USP9Y: variants seen among roughly 807,000 people sequenced by gnomAD.
The protein encoded by USP9Y is ubiquitin carboxyl-terminal hydrolase 9Y.
A neutral mutation model predicts 53.1 loss-of-function variants in USP9Y; 41 were observed. That is an observed-to-expected ratio of 0.77 (90% CI 0.60 to 1.00). USP9Y has a LOEUF of 1.00. USP9Y is among the 50% of genes least tolerant of loss of function. The probability of loss-of-function intolerance (pLI) is 0.00; values close to 1 mark genes in which losing one functional copy is unlikely to be tolerated. For synonymous variants in USP9Y, 220 were observed against 173.7 expected, an observed-to-expected ratio of 1.27 and a Z score of -2.09; for missense variants, 567 against 535.8, an observed-to-expected ratio of 1.06 and a Z score of -0.58.
chrY:12,788,325 A>G (rs771363732), intron 24 of USP9Y, among the ~76,000 whole-genome samples: 1 of 33,931 alleles, frequency 2.9e-5, no homozygotes, highest in South Asian at 6.5e-4. Context: ...TTAACAAGAC[A>G]ATTTTGGTGT....
At chrY:12,780,085 G>A (rs1288141544) in intron 22 of USP9Y, among the ~76,000 whole-genome samples, 1 of 33,723 alleles carries the variant, frequency 3.0e-5, no homozygotes, top group African/African-American at 1.1e-4. Flanking sequence ...ATGCGTTACC[G>A]CATCCTTACT....
rs1316637200 is a variant in USP9Y at position 12,818,606 on chromosome Y, T to C, written c.5017T>C (p.Phe1673Leu). 2.5e-6 allele frequency: 1 copy of C among 394,018 alleles called. No individual in the cohort carries two copies. The highest frequency in any genetic ancestry group is 3.6e-6 in the Non-Finnish European group (1 of 280,794). ...YYVPRGFWKQ[F>L]RLWGEPVNLR... Reference sequence around the variant, plus strand: ...TGTACCCAGAGGATTTTGGAAACAGTTCAGGTAAATTATGGGTGGGTGATC... The same window carrying C: ...TGTACCCAGAGGATTTTGGAAACAGCTCAGGTAAATTATGGGTGGGTGATC... Residue 1673 changes from phenylalanine (F) to leucine (L), a missense_variant, in exon 33 of 46, where the codon TTC (phenylalanine) becomes CTC (leucine). Physicochemically the swap from Phe to Leu is conservative, Grantham distance 22. Transcript: ENST00000338981.
chrY:12,731,742 A>G (rs915878291), intron 7 of USP9Y, among the ~76,000 whole-genome samples: 5 of 33,112 alleles, frequency 1.5e-4, no homozygotes, highest in Admixed American at 1.4e-3. Context: ...GCATTTTTGT[A>G]GTCTAGTGGT....
At chrY:12,844,824 A>G in intron 39 of USP9Y, among the ~76,000 whole-genome samples, 1 of 33,625 alleles carries the variant, frequency 3.0e-5, no homozygotes, top group Non-Finnish European at 7.3e-5. Context: ...GATTCCCAGT[A>G]AGGCCTCAGG....
At chrY:12,829,157 G>A (rs2053549120) in intron 33 of USP9Y, among the ~76,000 whole-genome samples, 1 of 33,368 alleles carries the variant, frequency 3.0e-5, no homozygotes, top group Non-Finnish European at 7.4e-5. Context: ...AAAGGAAAGA[G>A]GACAAGGAAA....
intron 39 of USP9Y, among the ~76,000 whole-genome samples, chrY:12,844,721 T>G: frequency 3.0e-5 from 1 of 33,332 alleles, no homozygotes; most frequent in Non-Finnish European, 7.4e-5. Flanking sequence ...TGTAGATTTA[T>G]GACTCTTAAG....
chrY:12,802,215 A>G, intron 27 of USP9Y: 1 of 34,747 alleles, frequency 2.9e-5, no homozygotes, highest in South Asian at 6.5e-4. Flanking sequence ...GAGACCAGGC[A>G]TTTGGTACAC....
At position 12,840,096 on chromosome Y, in the gene USP9Y, A is replaced by G. The variant is rs1456854979; in HGVS notation, c.5570A>G (p.Asn1857Ser). Reference protein sequence around the residue: ...ELIEQKEQSDNETAGGTKYRL... With the variant: ...ELIEQKEQSDSETAGGTKYRL... ...ATTGAACAGAAAGAGCAGTCTGACAATGAAACTGCAGGAGGCACAAAGTAC... is the reference window on the plus strand; with the variant it reads ...ATTGAACAGAAAGAGCAGTCTGACAGTGAAACTGCAGGAGGCACAAAGTAC... The change falls in exon 36 of 46, where the codon AAT becomes AGT. Residue 1857 changes from asparagine (N) to serine (S), a missense_variant. Asn to Ser is a conservative substitution (Grantham distance 46). Coordinates refer to ENST00000338981, the MANE Select transcript of USP9Y (RefSeq NM_004654.4). 2 of 398,898 alleles carry G rather than the reference A, an allele frequency of 5.0e-6. No homozygotes were observed. Among genetic ancestry groups the G allele is most frequent in the Admixed American group, 1.5e-4 (2 of 13,423 alleles).
chrY:12,792,894 G>T (rs996165228), intron 26 of USP9Y, 138 bp from the exon 27 acceptor site: 9 of 193,996 alleles, frequency 4.6e-5, no homozygotes, highest in African/African-American at 1.7e-4. Context: ...ATCCCAAAGA[G>T]CCTCTCTAGC....
chrY:12,717,172 C>T (rs1052831863), intron 3 of USP9Y, among the ~76,000 whole-genome samples: 1 of 32,234 alleles, frequency 3.1e-5, no homozygotes, highest in Non-Finnish European at 7.6e-5. Context: ...GGCTGGTGAG[C>T]GAGCATTACC....
intron 42 of USP9Y, among the ~76,000 whole-genome samples, chrY:12,855,628 A>C: frequency 8.8e-5 from 3 of 34,102 alleles, no homozygotes; most frequent in Non-Finnish European, 2.2e-4. Context: ...CAAATCAGGC[A>C]GATTTTATCA....
chrY:12,846,617 A>G, intron 40 of USP9Y, 99 bp downstream of exon 40: 2 of 241,663 alleles, frequency 8.3e-6, no homozygotes, highest in Non-Finnish European at 1.3e-5. Flanking sequence ...TATAAAAATG[A>G]AATTAGTCTG....
At position 12,815,428 on chromosome Y, in the gene USP9Y, A is replaced by G. The variant is rs748139606; in HGVS notation, c.4610-696A>G. On this transcript the variant is annotated intron_variant, in intron 31 of 45. Coordinates refer to ENST00000338981, the MANE Select transcript of USP9Y (RefSeq NM_004654.4). The stretch of plus-strand genomic sequence containing the variant: ...TTTTTAGTACAGACATGGTTTCACC[A>G]TGTTGGCCAGGCTGGTCTCAAACTG... Among the ~76,000 whole-genome samples the G allele has an allele frequency of 4.2e-4, 14 of 33,662 alleles. No individual in the cohort carries two copies. In the South Asian group the frequency reaches 9.4e-3, roughly 23 times the overall value. The allele number at this position is 33,662 out of a possible 37,273, so 90.3% of individuals were successfully genotyped here.
At chrY:12,806,367 A>G in intron 27 of USP9Y, among the ~76,000 whole-genome samples, 1 of 33,721 alleles carries the variant, frequency 3.0e-5, no homozygotes, top group East Asian at 7.8e-4. Flanking sequence ...CTCAGATTAT[A>G]TCTGTACACA....
chrY:12,703,520 AT>A (rs2053417658), intron 1 of USP9Y, among the ~76,000 whole-genome samples: 1 of 32,851 alleles, frequency 3.0e-5, no homozygotes, highest in African/African-American at 1.2e-4. Flanking sequence ...GGAGTTGTTT[AT>A]TCCTCCCAGT....
chrY:12,775,062 T>C, intron 17 of USP9Y, among the ~76,000 whole-genome samples: 1 of 33,621 alleles, frequency 3.0e-5, no homozygotes, highest in Non-Finnish European at 7.4e-5. Flanking sequence ...ATTCTAAACT[T>C]AGTTTGAAAA....
At chrY:12,702,312 G>A (rs2053416615) in intron 1 of USP9Y, among the ~76,000 whole-genome samples, 1 of 33,825 alleles carries the variant, frequency 3.0e-5, no homozygotes, top group Non-Finnish European at 7.3e-5. Context: ...ATATCTTTTC[G>A]TTTTTGTGGG....
chrY:12,770,408 CAAA>C (rs2053484805), intron 15 of USP9Y, among the ~76,000 whole-genome samples: 1 of 27,501 alleles, frequency 3.6e-5, no homozygotes, highest in Non-Finnish European at 8.7e-5. Context: ...GACTCCATCT[CAAA>C]AAAAAAAATT....
chrY:12,842,404 A>G lies in USP9Y; in HGVS notation c.6377A>G (p.His2126Arg), dbSNP rs374524962. 1 of 395,581 alleles carries G rather than the reference A, an allele frequency of 2.5e-6. No homozygotes were observed. The highest frequency in any genetic ancestry group is 6.5e-5 in the African/African-American group (1 of 15,438). Residue 2126 changes from histidine (H) to arginine (R), a missense_variant, in exon 38 of 46, where the codon CAC becomes CGC. Physicochemically the swap from His to Arg is conservative, Grantham distance 29. Transcript: ENST00000338981. ...GCAAAACTTATAGTGTTTATTGCAC[A>G]CTTTTCCTTGCAAGATGGGTCTTGT... ...AFAKLIVFIA[H>R]FSLQDGSCPS...
Sources: gnomAD v4.1 joint callset for allele counts (sites outside exome capture counted in the v4.1 genomes callset) on GRCh38, gnomAD v4.1.1 for gene constraint, MANE v1.5 for transcripts, NCBI Gene and HGNC (gene_info 2026-07-23, HGNC 2026-07-21) for gene names.